CYB5R4: variants seen among roughly 807,000 people sequenced by gnomAD.
CYB5R4 encodes the protein cytochrome b5 reductase 4.
Under a neutral mutation model 70.2 loss-of-function variants are expected in CYB5R4, and 55 were observed. That is an observed-to-expected ratio of 0.78 (90% CI 0.63 to 0.98). CYB5R4 has a LOEUF of 0.98. Among genes scored for constraint, CYB5R4 ranks in the 50% least tolerant of loss-of-function variants. The probability of loss-of-function intolerance (pLI) is 0.00; values close to 1 mark genes in which losing one functional copy is unlikely to be tolerated. For missense variants in CYB5R4, 562 were observed against 612.6 expected (o/e 0.92, Z 0.87); for synonymous variants, 197 against 199.5 (o/e 0.99, Z 0.11).
At chr6:83,896,888 C>T (rs2099461989) in intron 3 of CYB5R4, among the ~76,000 whole-genome samples, 1 of 151,914 alleles carries the variant, frequency 6.6e-6, no homozygotes, top group African/African-American at 2.4e-5. Context: ...ACATTCCCAA[C>T]AACAGTGTGT....
chr6:83,889,698 A>G (rs2099460810), intron 2 of CYB5R4, among the ~76,000 whole-genome samples: 1 of 152,192 alleles, frequency 6.6e-6, no homozygotes, highest in Non-Finnish European at 1.5e-5. Flanking sequence ...AGACTAGGTA[A>G]TATATAAAGA....
chr6:83,953,870 G>A (rs1236941045), intron 14 of CYB5R4, among the ~76,000 whole-genome samples: 1 of 152,114 alleles, frequency 6.6e-6, no homozygotes, highest in African/African-American at 2.4e-5. Context: ...ATCACTATCA[G>A]CCTACTTTAA....
chr6:83,877,681 A>AC (rs1328159127), intron 2 of CYB5R4, among the ~76,000 whole-genome samples: 3 of 152,206 alleles, frequency 2.0e-5, no homozygotes, highest in Non-Finnish European at 4.4e-5. Flanking sequence ...GATGAACCAG[A>AC]CACCTCCCAT....
intron 14 of CYB5R4, among the ~76,000 whole-genome samples, chr6:83,949,173 ATGCC>A (rs2099471149): frequency 6.7e-6 from 1 of 149,618 alleles, no homozygotes; most frequent in African/African-American, 2.5e-5. Context: ...CAAAATGACC[ATGCC>A]TGTGTATATG....
intron 12 of CYB5R4, among the ~76,000 whole-genome samples, chr6:83,939,707 T>A (rs1378867663): frequency 6.6e-6 from 1 of 152,214 alleles, no homozygotes; most frequent in Non-Finnish European, 1.5e-5. Context: ...GAATTTAGTT[T>A]AGCAATCAAT....
chr6:83,897,864 T>A (rs1160857423), intron 3 of CYB5R4, among the ~76,000 whole-genome samples: 3 of 152,208 alleles, frequency 2.0e-5, no homozygotes, highest in Non-Finnish European at 4.4e-5. Context: ...CTGATGGTAG[T>A]TTCTTTTGCT....
intron 2 of CYB5R4, among the ~76,000 whole-genome samples, chr6:83,877,052 G>C (rs562619641): frequency 1.3e-5 from 2 of 152,014 alleles, no homozygotes; most frequent in Non-Finnish European, 2.9e-5. Flanking sequence ...GGATGGTTTC[G>C]ATCTCCTGAC....
chr6:83,866,948 A>G (rs930267186), intron 2 of CYB5R4, among the ~76,000 whole-genome samples: 4 of 152,168 alleles, frequency 2.6e-5, no homozygotes, highest in African/African-American at 4.8e-5. Context: ...CTGCTGGGGA[A>G]CATGTTCTAC....
intron 2 of CYB5R4, among the ~76,000 whole-genome samples, chr6:83,889,226 C>T (rs1588565135): frequency 1.3e-5 from 2 of 152,116 alleles, no homozygotes; most frequent in South Asian, 2.1e-4. Context: ...GTTGAATACA[C>T]GAAACAACAC....
chr6:83,953,382 C>T (rs1029304756), intron 14 of CYB5R4, among the ~76,000 whole-genome samples: 2 of 151,072 alleles, frequency 1.3e-5, no homozygotes, highest in African/African-American at 4.9e-5. Flanking sequence ...TATATTTTAT[C>T]TAATTTTGAT....
In CYB5R4 at chr6:83,961,898, T is replaced by G. The variant is rs1332336206; in HGVS notation, c.*2020T>G. ...ATTTTTGTTTATATTTTATTTATAT[T>G]TTGTTTATATTTTGTTATATTTTAT... On this transcript the variant is annotated 3_prime_UTR_variant, in exon 16 of 16. Coordinates refer to ENST00000369681, the MANE Select transcript of CYB5R4 (RefSeq NM_016230.4). 1.3e-5 allele frequency: 2 copies of G among 149,786 alleles called. No individual in the cohort carries two copies. The highest frequency in any genetic ancestry group is 3.0e-5 in the Non-Finnish European group (2 of 67,686). The allele number at this position is 149,786 out of a possible 1,614,324, so 9.3% of individuals were successfully genotyped here. A position where few individuals can be genotyped will look rare whatever the true frequency, so the allele number is the denominator to read the frequency against.
chr6:83,914,570 C>A, intron 5 of CYB5R4, 122 bp downstream of exon 5: 1 of 844,202 alleles, frequency 1.2e-6, no homozygotes, highest in Non-Finnish European at 1.6e-6. Flanking sequence ...TGGAGTATTG[C>A]TTTGTCACCC....
At position 83,921,432 on chromosome 6, in the gene CYB5R4, G is replaced by A. The variant is rs368028778; in HGVS notation, c.658+257G>A. On this transcript the variant is annotated intron_variant, in intron 8 of 15. Coordinates refer to ENST00000369681, the MANE Select transcript of CYB5R4 (RefSeq NM_016230.4). ...ATATAAAATACTTGTTGGCCCAGTT[G>A]TGTAAAATCTCTCGTGCCTGACACC... Among the ~76,000 whole-genome samples the A allele has an allele frequency of 9.9e-4, 151 of 152,314 alleles. 6 individuals carry two copies. In the South Asian group the frequency reaches 0.031, roughly 31 times the overall value.
chr6:83,928,179 A>G (rs2099467629), intron 10 of CYB5R4, among the ~76,000 whole-genome samples: 1 of 152,210 alleles, frequency 6.6e-6, no homozygotes. Flanking sequence ...TTACGAAAAT[A>G]TATTTGTAGA....
chr6:83,924,654 T>C, intron 10 of CYB5R4, 62 bp downstream of exon 10: 1 of 1,562,770 alleles, frequency 6.4e-7, no homozygotes, highest in Non-Finnish European at 8.7e-7. Flanking sequence ...AGTTGTACAG[T>C]TGTACCAGAG....
intron 3 of CYB5R4, among the ~76,000 whole-genome samples, chr6:83,905,551 G>A (rs900523165): frequency 3.3e-5 from 5 of 152,026 alleles, no homozygotes; most frequent in South Asian, 2.1e-4. Flanking sequence ...TGGAGGCTGC[G>A]ATGAAGTTTT....
rs562923601 is a variant in CYB5R4 at position 83,902,756 on chromosome 6, T to C, written c.331-6253T>C. Among the ~76,000 whole-genome samples, 46 of 152,186 alleles carry C rather than the reference T, an allele frequency of 3.0e-4. No homozygotes were observed. The South Asian group carries it at 7.5e-3, about 25-fold the overall frequency. On this transcript the variant is annotated intron_variant, in intron 3 of 15. Transcript: ENST00000369681. Reference sequence around the variant, plus strand: ...GAGATCTTTCATCTCTTTGGTTAAATTTATCTGTAGCTTTCTTTCTTTCTT... The same window carrying C: ...GAGATCTTTCATCTCTTTGGTTAAACTTATCTGTAGCTTTCTTTCTTTCTT...
intron 3 of CYB5R4, among the ~76,000 whole-genome samples, chr6:83,897,968 A>C (rs1228911869): frequency 1.3e-5 from 2 of 152,168 alleles, no homozygotes; most frequent in Non-Finnish European, 2.9e-5. Flanking sequence ...GTCCTTGCCC[A>C]TGCCTATGTC....
intron 14 of CYB5R4, among the ~76,000 whole-genome samples, chr6:83,954,014 C>A (rs1286358235): frequency 6.6e-6 from 1 of 151,938 alleles, no homozygotes; most frequent in East Asian, 1.9e-4. Context: ...TTCAGGTAAC[C>A]TTTTCAAGGG....
Sources: gnomAD v4.1 joint callset for allele counts (sites outside exome capture counted in the v4.1 genomes callset) on GRCh38, gnomAD v4.1.1 for gene constraint, MANE v1.5 for transcripts, NCBI Gene and HGNC (gene_info 2026-07-23, HGNC 2026-07-21) for gene names.